The following TNR variants were observed in gnomAD, a reference collection of about 807,000 sequenced individuals.
TNR encodes the protein tenascin-R.
TNR carries 45 observed loss-of-function variants against 150.4 expected under a neutral mutation model. The ratio of observed to expected loss-of-function variants is 0.30; its 90% CI spans 0.24 to 0.38. The LOEUF is 0.38. Among genes scored for constraint, TNR ranks in the 10% least tolerant of loss-of-function variants. TNR has a pLI of 1.00. For missense variants in TNR, 1,544 were observed against 1,759.1 expected (o/e 0.88, Z 2.19); for synonymous variants, 687 against 678.4 (o/e 1.01, Z -0.20).
intron 1 of TNR, among the ~76,000 whole-genome samples, chr1:175,602,347 C>T (rs1663272372): frequency 6.6e-6 from 1 of 152,040 alleles, no homozygotes; most frequent in African/African-American, 2.4e-5. Context: ...GCTCCATTCC[C>T]AGAGTTTCTG....
At chr1:175,463,160 C>A (rs532748959) in intron 2 of TNR, among the ~76,000 whole-genome samples, 1 of 152,178 alleles carries the variant, frequency 6.6e-6, no homozygotes, top group South Asian at 2.1e-4. Context: ...GCCTAGAGTC[C>A]CAAGCAAGTG....
chr1:175,383,658 C>T (rs1652788954), intron 8 of TNR, among the ~76,000 whole-genome samples: 1 of 152,256 alleles, frequency 6.6e-6, no homozygotes, highest in Non-Finnish European at 1.5e-5. Context: ...GCAATTAGTG[C>T]ACTCCTAGTG....
intron 2 of TNR, among the ~76,000 whole-genome samples, chr1:175,513,384 G>A (rs539794369): frequency 4.6e-5 from 7 of 152,142 alleles, no homozygotes; most frequent in African/African-American, 1.7e-4. Context: ...AACACATGTA[G>A]TCTAGGTTCT....
intron 2 of TNR, among the ~76,000 whole-genome samples, chr1:175,460,331 A>C (rs1656758570): frequency 6.6e-6 from 1 of 152,112 alleles, no homozygotes; most frequent in Admixed American, 6.5e-5. Flanking sequence ...CAAGTCCAAG[A>C]GACCCACTGG....
chr1:175,684,011 T>A (rs1233515045), intron 1 of TNR, among the ~76,000 whole-genome samples: 2 of 152,156 alleles, frequency 1.3e-5, no homozygotes, highest in Admixed American at 1.3e-4. Context: ...CCAGCCAAAG[T>A]GGGATTCAGG....
rs184461855 is a variant in TNR, at chr1:175,334,089, T to C, written c.3631+1622A>G. Among the ~76,000 whole-genome samples, 131 of 152,274 alleles carry C rather than the reference T, an allele frequency of 8.6e-4. 2 individuals carry two copies. The highest frequency in any genetic ancestry group is 3.0e-3 in the African/African-American group (126 of 41,548). ...TTCTCCTGGTGGTAATGTGGAGTCA[T>C]TGAAAAGTTTTACAAAGGGGATTAG... On this transcript the variant is annotated intron_variant, in intron 20 of 22. Transcript: ENST00000367674.
intron 1 of TNR, among the ~76,000 whole-genome samples, chr1:175,549,049 G>A (rs889491143): frequency 7.9e-5 from 12 of 152,120 alleles, no homozygotes; most frequent in Admixed American, 5.2e-4. Context: ...ATCCATACAC[G>A]TGCCAGGAGC....
chr1:175,359,779 A>T, intron 14 of TNR, 48 bp from the exon 15 acceptor site: 1 of 1,561,804 alleles, frequency 6.4e-7, no homozygotes, highest in Non-Finnish European at 8.7e-7. Context: ...GCTGCAGGAT[A>T]GAAATGCAGG....
At chr1:175,447,026 T>C (rs1000710943) in intron 2 of TNR, among the ~76,000 whole-genome samples, 1 of 152,198 alleles carries the variant, frequency 6.6e-6, no homozygotes, top group Non-Finnish European at 1.5e-5. Context: ...TGTGGTATGT[T>C]ATATGCATGT....
chr1:175,360,014 C>T (rs1476725625), intron 14 of TNR, among the ~76,000 whole-genome samples: 2 of 152,140 alleles, frequency 1.3e-5, no homozygotes, highest in African/African-American at 4.8e-5. Context: ...GTGCCAGATA[C>T]TAAAGAGGAT....
Position 175,587,789 on chromosome 1 carries a change from G to C in TNR, c.-164-59420C>G, listed in dbSNP as rs189884731. Among the ~76,000 whole-genome samples, 31 of 152,288 alleles carry C rather than the reference G, an allele frequency of 2.0e-4. No individual in the cohort carries two copies. The East Asian group carries it at 5.4e-3, about 27-fold the overall frequency. On this transcript the variant is annotated intron_variant, in intron 1 of 22. Coordinates refer to ENST00000367674, the MANE Select transcript of TNR (RefSeq NM_003285.3). ...CCAGGTGATTTTTAATGTGCAGAAG[G>C]GTTGAAAAGCACTGGACAAGAAAAA... is the stretch of plus-strand genomic sequence containing the variant.
intron 1 of TNR, among the ~76,000 whole-genome samples, chr1:175,667,194 G>C (rs1197636691): frequency 6.6e-6 from 1 of 152,112 alleles, no homozygotes; most frequent in Non-Finnish European, 1.5e-5. Context: ...CCCTAAGCCA[G>C]GCCTTGTCTC....
intron 2 of TNR, among the ~76,000 whole-genome samples, chr1:175,525,741 C>T (rs1464183326): frequency 6.6e-6 from 1 of 152,190 alleles, no homozygotes; most frequent in Non-Finnish European, 1.5e-5. Flanking sequence ...AAGGGTTAAG[C>T]TCAAGGTTTA....
At chr1:175,340,293 T>C (rs1650459911) in intron 18 of TNR, among the ~76,000 whole-genome samples, 1 of 152,162 alleles carries the variant, frequency 6.6e-6, no homozygotes, top group Admixed American at 6.5e-5. Context: ...TTGCCTTCCC[T>C]TTGACAAATT....
chr1:175,349,998 G>A (rs916562999), intron 18 of TNR, among the ~76,000 whole-genome samples: 7 of 152,212 alleles, frequency 4.6e-5, no homozygotes, highest in East Asian at 1.9e-4. Flanking sequence ...ATAGATAGCC[G>A]TGGATAGTGA....
intron 2 of TNR, among the ~76,000 whole-genome samples, chr1:175,480,965 A>G (rs1194890145): frequency 6.6e-6 from 1 of 152,228 alleles, no homozygotes; most frequent in Admixed American, 6.5e-5. Context: ...TTCTGACAGA[A>G]TAAACTAATT....
chr1:175,692,702 T>C (rs528328312), intron 1 of TNR, among the ~76,000 whole-genome samples: 121 of 151,956 alleles, frequency 8.0e-4, no homozygotes, highest in African/African-American at 2.8e-3. Context: ...GAGAGGAAGG[T>C]CTCATGAAAA....
chr1:175,621,759 A>G (rs893222621), intron 1 of TNR, among the ~76,000 whole-genome samples: 6 of 152,098 alleles, frequency 3.9e-5, no homozygotes, highest in African/African-American at 1.4e-4. Flanking sequence ...TCCATCTTAT[A>G]CCTTCTCTAA....
intron 2 of TNR, among the ~76,000 whole-genome samples, chr1:175,411,492 A>G (rs1654213265): frequency 6.6e-6 from 1 of 151,952 alleles, no homozygotes; most frequent in African/African-American, 2.4e-5. Context: ...CTGGTGGCAG[A>G]AGTCCAAAGT....
Sources: allele counts gnomAD v4.1 joint callset (sites outside exome capture counted in the v4.1 genomes callset), GRCh38; gene constraint gnomAD v4.1.1; transcripts MANE v1.5; gene names NCBI Gene and HGNC (gene_info 2026-07-23, HGNC 2026-07-21).